The following TOP1 variants were observed in gnomAD, a reference collection of about 807,000 sequenced individuals.
The protein encoded by TOP1 is DNA topoisomerase 1.
Under a neutral mutation model 111.1 loss-of-function variants are expected in TOP1, and 10 were observed. The observed-to-expected ratio is 0.09, with a 90% CI of 0.06 to 0.15. The LOEUF is 0.15. Among genes scored for constraint, TOP1 ranks in the 10% least tolerant of loss-of-function variants. The pLI is 1.00. For missense variants in TOP1, 474 were observed against 926.7 expected, an observed-to-expected ratio of 0.51 and a Z score of 6.34; for synonymous variants, 271 against 302.9, an observed-to-expected ratio of 0.89 and a Z score of 1.10.
chr20:41,098,834 TA>T lies in TOP1; in HGVS notation c.975+515del, dbSNP rs11483526. ...TTCTTCTACAGGCTGCCTGTTTTTG[TA>T]AAAAAAAAAAAAAAAAATTTATTGG... is the stretch of plus-strand genomic sequence containing the variant. On this transcript the variant is annotated intron_variant, in intron 11 of 20. Coordinates refer to ENST00000361337, the MANE Select transcript of TOP1 (RefSeq NM_003286.4). The surrounding 1 kb of genome is among the most constrained non-coding windows in gnomAD (Gnocchi z 5.7). The T allele has an allele frequency of 9.1e-3, 1,240 of 136,562 alleles. No homozygotes were observed. Among genetic ancestry groups the T allele is most frequent in the Non-Finnish European group, 9.6e-3 (601 of 62,440 alleles). 8.5% of individuals were successfully genotyped at this position (136,562 alleles called of 1,614,324 possible). A position where few individuals can be genotyped will look rare whatever the true frequency, so the allele number is the denominator to read the frequency against.
chr20:41,028,967 T>C lies in TOP1; in HGVS notation c.-101T>C. 1 of 1,034,906 alleles carries C rather than the reference T, an allele frequency of 9.7e-7. No homozygotes were observed. The highest frequency in any genetic ancestry group is 1.4e-6 in the Non-Finnish European group (1 of 703,124). The allele number at this position is 1,034,906 out of a possible 1,614,324, so 64.1% of individuals were successfully genotyped here. A position where few individuals can be genotyped will look rare whatever the true frequency, so the allele number is the denominator to read the frequency against. On this transcript the variant is annotated 5_prime_UTR_variant, in exon 1 of 21. Coordinates refer to ENST00000361337, the MANE Select transcript of TOP1 (RefSeq NM_003286.4). The stretch of plus-strand genomic sequence containing the variant: ...GTCACCGCCGCTTACCTGCGCCTCC[T>C]CGAGCCTCCGGAGTCCCCGTCCGCC...
chr20:41,051,093 A>T (rs151101550), intron 2 of TOP1, among the ~76,000 whole-genome samples: 1 of 152,120 alleles, frequency 6.6e-6, no homozygotes, highest in Non-Finnish European at 1.5e-5. Flanking sequence ...CTAGTTGTAT[A>T]TTTGTATGTC....
At chr20:41,090,957 T>A (rs1278813701) in intron 8 of TOP1, among the ~76,000 whole-genome samples, 1 of 152,218 alleles carries the variant, frequency 6.6e-6, no homozygotes, top group Non-Finnish European at 1.5e-5. Context: ...CCATTTTGAA[T>A]TAATTTTTGT....
At chr20:41,059,096 C>T (rs747760200) in intron 2 of TOP1, among the ~76,000 whole-genome samples, 28 of 151,998 alleles carry the variant, frequency 1.8e-4, no homozygotes, top group Admixed American at 5.2e-4. Flanking sequence ...CATGTTCTCA[C>T]TTATAAGTGG....
In TOP1 at chr20:41,110,145, G is replaced by A. The variant is rs1477196396; in HGVS notation, c.1309-2637G>A. On this transcript the variant is annotated intron_variant, in intron 13 of 20. Transcript: ENST00000361337. The surrounding 1 kb of genome is among the most constrained non-coding windows in gnomAD (Gnocchi z 4.2). ...CTACAAAAAAATACAAAAATTAGCC[G>A]AGGGTGGCGCACACCTGTAATCTCA... Among the ~76,000 whole-genome samples, 2 of 152,102 alleles carry A rather than the reference G, an allele frequency of 1.3e-5. No individual in the cohort carries two copies. Among genetic ancestry groups the A allele is most frequent in the East Asian group, 1.9e-4 (1 of 5,188 alleles).
chr20:41,093,840 T>C (rs2033949324), intron 9 of TOP1, among the ~76,000 whole-genome samples: 1 of 152,152 alleles, frequency 6.6e-6, no homozygotes. Flanking sequence ...AAGGGCTGGG[T>C]CTGCAACTGA....
intron 3 of TOP1, among the ~76,000 whole-genome samples, chr20:41,074,711 G>A (rs1312862209): frequency 1.3e-5 from 2 of 152,118 alleles, no homozygotes; most frequent in Non-Finnish European, 2.9e-5. Context: ...TTCTCCCTTT[G>A]TGATCTTCTA....
At position 41,097,596 on chromosome 20, in the gene TOP1, A is replaced by G. The variant is rs1472262616; in HGVS notation, c.852+255A>G. Among the ~76,000 whole-genome samples, 1 of 152,212 alleles carries G rather than the reference A, an allele frequency of 6.6e-6. No homozygotes were observed. The highest frequency in any genetic ancestry group is 2.4e-5 in the African/African-American group (1 of 41,456). On this transcript the variant is annotated intron_variant, in intron 10 of 20. Coordinates refer to ENST00000361337, the MANE Select transcript of TOP1 (RefSeq NM_003286.4). This position sits in a 1 kb window ranked among gnomAD's most constrained non-coding sequence, Gnocchi z 4.2. Reference sequence around the variant, plus strand: ...TGGGGGTTATCAGATTAGGCCAAACAGAAAACCTCAACTCCAGTTGCGCAC... The same window carrying G: ...TGGGGGTTATCAGATTAGGCCAAACGGAAAACCTCAACTCCAGTTGCGCAC...
rs1044468292 is a variant in TOP1 at position 41,123,385 on chromosome 20, G to C, written c.*88G>C. The C allele has an allele frequency of 1.1e-6, 1 of 902,088 alleles. No individual in the cohort carries two copies. The highest frequency in any genetic ancestry group is 1.8e-6 in the Non-Finnish European group (1 of 568,782). 55.9% of individuals were successfully genotyped at this position (902,088 alleles called of 1,614,324 possible). ...TGAGCCTCACTTGCCCTCGTGCCTGGGGGAGAGAGGCAGCAAGTCTTAACA... is the reference window on the plus strand; with the variant it reads ...TGAGCCTCACTTGCCCTCGTGCCTGCGGGAGAGAGGCAGCAAGTCTTAACA... On this transcript the variant is annotated 3_prime_UTR_variant, in exon 21 of 21. Transcript: ENST00000361337. This position sits in a 1 kb window ranked among gnomAD's most constrained non-coding sequence, Gnocchi z 5.8.
chr20:41,092,269 A>C lies in TOP1; in HGVS notation c.615-203A>C, dbSNP rs899198839. Among the ~76,000 whole-genome samples, 1 of 152,190 alleles carries C rather than the reference A, an allele frequency of 6.6e-6. No individual in the cohort carries two copies. The highest frequency in any genetic ancestry group is 1.5e-5 in the Non-Finnish European group (1 of 68,034). On this transcript the variant is annotated intron_variant, in intron 8 of 20. Coordinates refer to ENST00000361337, the MANE Select transcript of TOP1 (RefSeq NM_003286.4). The surrounding 1 kb of genome is among the most constrained non-coding windows in gnomAD (Gnocchi z 4.3). ...TGAAATGTATTTTCCTTTATTCACC[A>C]CAGTATTTCATCTTACTTGTGAGCG...
In TOP1 at chr20:41,124,362, G is replaced by A. The variant is rs2034462761; in HGVS notation, c.*1065G>A. 1 of 233,248 alleles carries A rather than the reference G, an allele frequency of 4.3e-6. No individual in the cohort carries two copies. Among genetic ancestry groups the A allele is most frequent in the African/African-American group, 2.2e-5 (1 of 45,310 alleles). 14.4% of individuals were successfully genotyped at this position (233,248 alleles called of 1,614,324 possible). Reference sequence around the variant, plus strand: ...TATAATCATTAGTTTTAGAGGCATTGTTAGTTTAGTGTGTGTGCAGAGTCC... The same window carrying A: ...TATAATCATTAGTTTTAGAGGCATTATTAGTTTAGTGTGTGTGCAGAGTCC... On this transcript the variant is annotated 3_prime_UTR_variant, in exon 21 of 21. Coordinates refer to ENST00000361337, the MANE Select transcript of TOP1 (RefSeq NM_003286.4). The surrounding 1 kb of genome is among the most constrained non-coding windows in gnomAD (Gnocchi z 5.4).
chr20:41,090,701 T>G (rs1348700913), intron 8 of TOP1, among the ~76,000 whole-genome samples: 1 of 151,956 alleles, frequency 6.6e-6, no homozygotes, highest in African/African-American at 2.4e-5. Flanking sequence ...CGGGGGGGTC[T>G]CGCCATGTTG....
rs2034326981 is a variant in TOP1 at position 41,116,172 on chromosome 20, T to C, written c.1708-106T>C. 5.7e-6 allele frequency: 4 copies of C among 697,148 alleles called. No individual in the cohort carries two copies. 43.2% of individuals were successfully genotyped at this position (697,148 alleles called of 1,614,324 possible). A position where few individuals can be genotyped will look rare whatever the true frequency, so the allele number is the denominator to read the frequency against. On this transcript the variant is annotated intron_variant, in intron 16 of 20. Transcript: ENST00000361337. The surrounding 1 kb of genome is among the most constrained non-coding windows in gnomAD (Gnocchi z 5.6). ...CCCTAACTTCCCACTTGTAGGGCAA[T>C]AAACTTGACAAGATTGTGACTGCAC... is the stretch of plus-strand genomic sequence containing the variant.
In TOP1 at chr20:41,061,411, G is replaced by A. The variant is rs1411426916; in HGVS notation, c.76G>A (p.Asp26Asn). ...GGTTGCAGATTCTCATAAACACAAA[G>A]ATAAACACAAAGATCGAGAACACCG... ...FRLNDSHKHK[D>N]KHKDREHRHK... The change falls in exon 3 of 21, where the codon GAT becomes AAT. Residue 26 changes from aspartate (D) to asparagine (N), a missense_variant. By Grantham distance (23) the Asp-to-Asn change is conservative (BLOSUM62 1). Around this residue, in one of 14 missense-constraint regions of TOP1, gnomAD observed 185 missense variants for 226.3 expected, o/e 0.82. Transcript: ENST00000361337. This position sits in a 1 kb window ranked among gnomAD's most constrained non-coding sequence, Gnocchi z 4.6. 6.2e-7 allele frequency: 1 copy of A among 1,613,494 alleles called. No homozygotes were observed. The highest frequency in any genetic ancestry group is 2.2e-5 in the East Asian group (1 of 44,896).
chr20:41,089,020 C>CTTGTTTTTTTTTT (rs2033883433), intron 8 of TOP1, among the ~76,000 whole-genome samples: 1 of 77,926 alleles, frequency 1.3e-5, no homozygotes, highest in Non-Finnish European at 2.2e-5. Flanking sequence ...TGCCCCAGTT[C>CTTGTTTTTTTTTT]TTTTTTTTTT....
In TOP1 at chr20:41,115,219, G is replaced by C. The variant is rs2034310237; in HGVS notation, c.1639-152G>C. On this transcript the variant is annotated intron_variant, in intron 15 of 20. Coordinates refer to ENST00000361337, the MANE Select transcript of TOP1 (RefSeq NM_003286.4). The surrounding 1 kb of genome is among the most constrained non-coding windows in gnomAD (Gnocchi z 6.3). ...CATACATGCACACTGTGCAAATGATGAATGGGGTAAAATGTTAACAGTGAA... is the reference window on the plus strand; with the variant it reads ...CATACATGCACACTGTGCAAATGATCAATGGGGTAAAATGTTAACAGTGAA... The C allele has an allele frequency of 1.7e-6, 1 of 585,732 alleles. No individual in the cohort carries two copies. The highest frequency in any genetic ancestry group is 2.9e-5 in the East Asian group (1 of 34,750). 36.3% of individuals were successfully genotyped at this position (585,732 alleles called of 1,614,324 possible).
rs1418412214 is a variant in TOP1 at position 41,032,522 on chromosome 20, A to G, written c.58+3067A>G. Among the ~76,000 whole-genome samples, 1 of 152,240 alleles carries G rather than the reference A, an allele frequency of 6.6e-6. No individual in the cohort carries two copies. The highest frequency in any genetic ancestry group is 1.5e-5 in the Non-Finnish European group (1 of 68,046). ...CTGTAGAATTGATAATGGTAATACC[A>G]GGTTAAAGTGTTAGCGATTCTTCTG... On this transcript the variant is annotated intron_variant, in intron 2 of 20. Coordinates refer to ENST00000361337, the MANE Select transcript of TOP1 (RefSeq NM_003286.4). The surrounding 1 kb of genome is among the most constrained non-coding windows in gnomAD (Gnocchi z 4.3).
rs969260533 is a variant in TOP1 at position 41,121,022 on chromosome 20, G to C, written c.1951-674G>C. Among the ~76,000 whole-genome samples the C allele has an allele frequency of 6.6e-6, 1 of 152,202 alleles. No homozygotes were observed. The highest frequency in any genetic ancestry group is 1.5e-5 in the Non-Finnish European group (1 of 68,042). On this transcript the variant is annotated intron_variant, in intron 18 of 20. Transcript: ENST00000361337. This position sits in a 1 kb window ranked among gnomAD's most constrained non-coding sequence, Gnocchi z 4.2. The stretch of plus-strand genomic sequence containing the variant: ...TCCCCAAAGTGCTGGGATTACAGGC[G>C]TGAGACACCGCGCCTGGTGACCGCT...
At chr20:41,063,338 C>G (rs147834281) in intron 3 of TOP1, among the ~76,000 whole-genome samples, 104 of 152,292 alleles carry the variant, frequency 6.8e-4, no homozygotes, top group Admixed American at 6.3e-3. Flanking sequence ...TCCAATCCAT[C>G]ATTGCTGGGT....
Sources: allele counts gnomAD v4.1 joint callset (sites outside exome capture counted in the v4.1 genomes callset), GRCh38; gene constraint gnomAD v4.1.1; regional missense constraint gnomAD v4.1.1; non-coding constraint Gnocchi (gnomAD v3.1); transcripts MANE v1.5; gene names NCBI Gene and HGNC (gene_info 2026-07-23, HGNC 2026-07-21).